The following CCDC102B variants were observed in gnomAD, a reference collection of about 807,000 sequenced individuals.
CCDC102B encodes coiled-coil domain-containing protein 102B.
Under a neutral mutation model 57.4 loss-of-function variants are expected in CCDC102B, and 75 were observed. That is an observed-to-expected ratio of 1.31 (90% CI 1.08 to 1.58). The LOEUF (loss-of-function observed/expected upper bound fraction) is 1.58, where lower values mean the gene tolerates loss of function less well. Ranked by LOEUF, CCDC102B falls within the 40% of genes most tolerant of loss-of-function variation. CCDC102B has a pLI of 0.00. For synonymous variants in CCDC102B, 206 were observed against 201.9 expected (o/e 1.02, Z -0.17); for missense variants, 636 against 582.6 (o/e 1.09, Z -0.94).
At chr18:68,954,784 A>G (rs2049796584) in intron 6 of CCDC102B, among the ~76,000 whole-genome samples, 1 of 152,180 alleles carries the variant, frequency 6.6e-6, no homozygotes, top group Non-Finnish European at 1.5e-5. Flanking sequence ...ATTTTCATTG[A>G]ATTGCTTTTT....
intron 6 of CCDC102B, among the ~76,000 whole-genome samples, chr18:68,940,837 A>G (rs186723955): frequency 8.7e-4 from 133 of 152,030 alleles, no homozygotes; most frequent in Non-Finnish European, 1.8e-3. Context: ...GGCATATAGT[A>G]TTCAATGAAA....
intron 7 of CCDC102B, among the ~76,000 whole-genome samples, chr18:69,043,544 G>A (rs1224375388): frequency 1.3e-5 from 2 of 152,024 alleles, no homozygotes; most frequent in Admixed American, 1.3e-4. Context: ...TGTGTCCCTG[G>A]GTACTTGAGA....
chr18:68,961,453 AATAAG>A (rs1436523243), intron 6 of CCDC102B, among the ~76,000 whole-genome samples: 6 of 152,110 alleles, frequency 3.9e-5, no homozygotes, highest in Non-Finnish European at 7.4e-5. Context: ...TTCTTTTGGT[AATAAG>A]ATGACTATTT....
At position 69,010,191 on chromosome 18, in the gene CCDC102B, C is replaced by T. The variant is rs1295735940; in HGVS notation, c.1264-743C>T. ...TCTTCTGACCTCGTGATCCGCCTGC[C>T]TCGGCCTCCCAAAGTGCTGGGATCA... On this transcript the variant is annotated intron_variant, in intron 6 of 7. Transcript: ENST00000360242. 2.0e-5 allele frequency among the ~76,000 whole-genome samples: 3 copies of T among 149,414 alleles called. No homozygotes were observed. The Admixed American group carries it at 2.0e-4, about 10-fold the overall frequency.
intron 7 of CCDC102B, among the ~76,000 whole-genome samples, chr18:69,019,514 T>A (rs1191836669): frequency 1.3e-5 from 2 of 152,042 alleles, no homozygotes; most frequent in African/African-American, 4.8e-5. Context: ...TTTATTTAAT[T>A]TCTTGTTCAG....
chr18:68,882,624 C>A (rs993649147), intron 5 of CCDC102B, among the ~76,000 whole-genome samples: 2 of 152,178 alleles, frequency 1.3e-5, no homozygotes, highest in Admixed American at 1.3e-4. Context: ...GCTCATATTT[C>A]ATTTAAACGT....
upstream of CCDC102B, among the ~76,000 whole-genome samples, chr18:68,794,562 A>C (rs1040182986): frequency 6.6e-6 from 1 of 152,040 alleles, no homozygotes; most frequent in South Asian, 2.1e-4. Flanking sequence ...GTAGAATGAA[A>C]CTGGAATCCA....
chr18:68,836,714 T>A, intron 1 of CCDC102B, 35 bp from the exon 2 acceptor site: 1 of 1,525,258 alleles, frequency 6.6e-7, no homozygotes, highest in Non-Finnish European at 8.8e-7. Flanking sequence ...CAAGGGAAAT[T>A]TCAGCGTGAA....
chr18:69,013,864 T>TA (rs1226612888), intron 7 of CCDC102B, among the ~76,000 whole-genome samples: 5 of 152,156 alleles, frequency 3.3e-5, no homozygotes, highest in Non-Finnish European at 1.5e-5. Flanking sequence ...TTCAAAAAGG[T>TA]AAAATATATA....
chr18:68,911,736 A>G (rs1250336800), intron 6 of CCDC102B, among the ~76,000 whole-genome samples: 1 of 99,654 alleles, frequency 1.0e-5, no homozygotes, highest in Non-Finnish European at 2.0e-5. Flanking sequence ...TGGGCGACAG[A>G]GCGAGACTCC....
intron 6 of CCDC102B, among the ~76,000 whole-genome samples, chr18:68,975,792 G>A (rs924921110): frequency 2.6e-5 from 4 of 151,282 alleles, no homozygotes; most frequent in Non-Finnish European, 5.9e-5. Context: ...TCTACAAACA[G>A]TGTGTTTCTT....
intron 6 of CCDC102B, among the ~76,000 whole-genome samples, chr18:68,916,744 C>T (rs1201886726): frequency 6.6e-6 from 1 of 152,162 alleles, no homozygotes; most frequent in African/African-American, 2.4e-5. Flanking sequence ...CTTGAGGTGA[C>T]TCTGTTCAAT....
Position 68,734,188 on chromosome 18 carries a change from G to A in CCDC102B, c.-67+17594G>A, listed in dbSNP as rs1169913177. On this transcript the variant is annotated intron_variant, in intron 2 of 3. Transcript: ENST00000578970. ...AGAAGCAACTGTAAACCTGTCCTCC[G>A]GGAGGAACAGAAGAGAATAGTTAGC... Among the ~76,000 whole-genome samples the A allele has an allele frequency of 2.0e-5, 3 of 152,258 alleles. No individual in the cohort carries two copies. The East Asian group carries it at 5.8e-4, about 29-fold the overall frequency.
rs991306309 is a variant in CCDC102B at position 68,766,589 on chromosome 18, C to A, written c.-67+49995C>A. Among the ~76,000 whole-genome samples the A allele has an allele frequency of 5.7e-4, 87 of 152,172 alleles. 1 individual carries two copies. The highest frequency in any genetic ancestry group is 1.2e-3 in the Non-Finnish European group (82 of 68,022). On this transcript the variant is annotated intron_variant, in intron 2 of 3. Coordinates refer to the CCDC102B transcript ENST00000578970. Reference sequence around the variant, plus strand: ...CTTAATAAGGCACTGTGTTTCAAATCTGAAGTAACTGGCAGCAGATCATAC... The same window carrying A: ...CTTAATAAGGCACTGTGTTTCAAATATGAAGTAACTGGCAGCAGATCATAC...
intron 4 of CCDC102B, among the ~76,000 whole-genome samples, chr18:68,868,700 T>A (rs2039109895): frequency 6.6e-6 from 1 of 152,160 alleles, no homozygotes; most frequent in Admixed American, 6.5e-5. Context: ...TCAATACTTA[T>A]CCCAAGAACC....
intron 6 of CCDC102B, among the ~76,000 whole-genome samples, chr18:68,967,233 C>T (rs2050188075): frequency 6.6e-6 from 1 of 152,092 alleles, no homozygotes; most frequent in South Asian, 2.1e-4. Flanking sequence ...AGACTCTCTA[C>T]CAGTGGTTCC....
At chr18:68,896,824 T>C (rs2040259502) in intron 5 of CCDC102B, among the ~76,000 whole-genome samples, 1 of 151,958 alleles carries the variant, frequency 6.6e-6, no homozygotes, top group Non-Finnish European at 1.5e-5. Flanking sequence ...CCCTAGATAA[T>C]TGAGTGAATG....
intron 6 of CCDC102B, among the ~76,000 whole-genome samples, chr18:68,944,719 A>C (rs1429052796): frequency 6.6e-6 from 1 of 152,040 alleles, no homozygotes; most frequent in African/African-American, 2.4e-5. Flanking sequence ...TAAACATGAG[A>C]TCAGTATTCA....
chr18:68,802,364 T>C (rs887849853), intron 1 of CCDC102B, among the ~76,000 whole-genome samples: 2 of 152,232 alleles, frequency 1.3e-5, no homozygotes, highest in African/African-American at 4.8e-5. Context: ...TATGATTGCA[T>C]GGATTAAAAA....
Sources: allele counts gnomAD v4.1 joint callset (sites outside exome capture counted in the v4.1 genomes callset), GRCh38; gene constraint gnomAD v4.1.1; transcripts MANE v1.5; gene names NCBI Gene and HGNC (gene_info 2026-07-23, HGNC 2026-07-21).